The following ESR1 variants were observed in gnomAD, a reference collection of about 807,000 sequenced individuals.
The protein encoded by ESR1 is estrogen receptor.
ESR1 carries 12 observed loss-of-function variants against 52.7 expected under a neutral mutation model. That is an observed-to-expected ratio of 0.23 (90% CI 0.15 to 0.37). The LOEUF is 0.37. Among genes scored for constraint, ESR1 ranks in the 10% least tolerant of loss-of-function variants. ESR1 has a pLI of 1.00. For missense variants in ESR1, 584 were observed against 779.7 expected (o/e 0.75, Z 2.99); for synonymous variants, 305 against 316.8 (o/e 0.96, Z 0.39).
intron 5 of ESR1, among the ~76,000 whole-genome samples, chr6:152,058,391 C>A (rs768342758): frequency 2.6e-5 from 4 of 152,154 alleles, no homozygotes; most frequent in African/African-American, 4.8e-5. Flanking sequence ...AAAGTCAAAG[C>A]AAAATGCGCA....
At chr6:152,078,021 G>T (rs1436075472) in intron 6 of ESR1, among the ~76,000 whole-genome samples, 22 of 152,124 alleles carry the variant, frequency 1.4e-4, no homozygotes, top group Admixed American at 1.4e-3. Flanking sequence ...GAGAGGCCAG[G>T]GGTGGAATGT....
intron 4 of ESR1, among the ~76,000 whole-genome samples, chr6:151,991,290 T>G (rs79784637): frequency 0.014 from 2,127 of 152,304 alleles, 18 homozygotes; most frequent in South Asian, 0.026. Context: ...ATGAATTACT[T>G]CTTAGGAAGA....
chr6:151,918,185 C>T (rs1371798339), intron 3 of ESR1, among the ~76,000 whole-genome samples: 1 of 152,160 alleles, frequency 6.6e-6, no homozygotes. Flanking sequence ...GCAGCTGCTC[C>T]CTTCCCTCAT....
At chr6:151,987,192 C>G (rs914453375) in intron 4 of ESR1, among the ~76,000 whole-genome samples, 1 of 152,056 alleles carries the variant, frequency 6.6e-6, no homozygotes, top group African/African-American at 2.4e-5. Flanking sequence ...TTGAGATGCT[C>G]CATCTCCTCC....
At chr6:151,849,986 A>AATTT (rs1786028693) in intron 2 of ESR1, among the ~76,000 whole-genome samples, 1 of 37,200 alleles carries the variant, frequency 2.7e-5, no homozygotes, top group Non-Finnish European at 5.6e-5. Context: ...AATTATATAT[A>AATTT]TATATATATA....
chr6:151,774,113 T>C (rs1333108778), intron 2 of ESR1, among the ~76,000 whole-genome samples: 1 of 152,220 alleles, frequency 6.6e-6, no homozygotes, highest in Non-Finnish European at 1.5e-5. Flanking sequence ...TAGAGAGGGC[T>C]TCTGGAAAGG....
chr6:151,957,082 T>A (rs2128580543), intron 4 of ESR1, among the ~76,000 whole-genome samples: 1 of 151,732 alleles, frequency 6.6e-6, no homozygotes, highest in East Asian at 1.9e-4. Flanking sequence ...TTTCACTGTG[T>A]TAGCCAGGAT....
chr6:152,000,510 T>G (rs2041863084), intron 4 of ESR1, among the ~76,000 whole-genome samples: 1 of 152,028 alleles, frequency 6.6e-6, no homozygotes, highest in Admixed American at 6.6e-5. Context: ...AAAGGAGTGA[T>G]TCTGCCTTTT....
At chr6:151,870,962 C>T (rs1330103739) in intron 2 of ESR1, among the ~76,000 whole-genome samples, 3 of 152,072 alleles carry the variant, frequency 2.0e-5, no homozygotes, top group Non-Finnish European at 2.9e-5. Context: ...AGTGATCCTC[C>T]CACCTCAGCC....
chr6:152,002,364 A>G (rs146340732), intron 4 of ESR1, among the ~76,000 whole-genome samples: 1 of 152,072 alleles, frequency 6.6e-6, no homozygotes, highest in Non-Finnish European at 1.5e-5. Flanking sequence ...CTTCCCTCGT[A>G]GTTTTTGTTT....
At chr6:152,025,812 ATACT>A (rs1418628537) in intron 5 of ESR1, among the ~76,000 whole-genome samples, 2 of 151,886 alleles carry the variant, frequency 1.3e-5, no homozygotes, top group Non-Finnish European at 1.5e-5. Context: ...TTTTGAGTTG[ATACT>A]TAATTTATTT....
chr6:152,048,063 A>C (rs887734534), intron 5 of ESR1, among the ~76,000 whole-genome samples: 1 of 130,890 alleles, frequency 7.6e-6, no homozygotes, highest in South Asian at 2.5e-4. Flanking sequence ...CTAGTTATTT[A>C]GTTTGAGATT....
At chr6:151,876,409 G>C (rs993588460) in intron 2 of ESR1, among the ~76,000 whole-genome samples, 2 of 152,142 alleles carry the variant, frequency 1.3e-5, no homozygotes, top group Non-Finnish European at 2.9e-5. Context: ...ACGGAAAAGA[G>C]GTGACAAAAG....
chr6:151,838,192 G>A (rs1052922728), intron 1 of ESR1, among the ~76,000 whole-genome samples: 17 of 152,150 alleles, frequency 1.1e-4, no homozygotes, highest in Non-Finnish European at 2.9e-5. Context: ...TACTGTGATG[G>A]TACAGAAAAA....
At chr6:151,801,590 T>C (rs1268330595), upstream of ESR1, among the ~76,000 whole-genome samples, 2 of 152,216 alleles carry the variant, frequency 1.3e-5, no homozygotes, top group East Asian at 1.9e-4. Context: ...TCACAAATCA[T>C]GCATTTTTTT....
At chr6:151,748,573 T>C (rs1466816671) in intron 2 of ESR1, among the ~76,000 whole-genome samples, 1 of 152,186 alleles carries the variant, frequency 6.6e-6, no homozygotes. Flanking sequence ...TTGAGTACAT[T>C]TGTGAAGATA....
intron 2 of ESR1, among the ~76,000 whole-genome samples, chr6:151,864,958 G>A (rs1583787727): frequency 9.5e-6 from 1 of 104,906 alleles, no homozygotes; most frequent in East Asian, 3.4e-4. Flanking sequence ...GGAGGGGGGA[G>A]GGATAGCATT....
intron 1 of ESR1, among the ~76,000 whole-genome samples, chr6:151,665,541 G>A (rs1486593376): frequency 2.0e-5 from 3 of 152,086 alleles, no homozygotes; most frequent in Non-Finnish European, 2.9e-5. Flanking sequence ...TTTTGACCAC[G>A]TGTGCACAGC....
chr6:151,757,782 A>C (rs1784395324), intron 2 of ESR1, among the ~76,000 whole-genome samples: 1 of 152,154 alleles, frequency 6.6e-6, no homozygotes, highest in South Asian at 2.1e-4. Flanking sequence ...ACAAAACAAG[A>C]GCTATAGAGG....
Sources: allele counts gnomAD v4.1 joint callset (sites outside exome capture counted in the v4.1 genomes callset), GRCh38; gene constraint gnomAD v4.1.1; transcripts MANE v1.5; gene names NCBI Gene and HGNC (gene_info 2026-07-23, HGNC 2026-07-21).